ASIC2: variants seen among roughly 807,000 people sequenced by gnomAD.
ASIC2 encodes the protein acid-sensing ion channel 2.
A neutral mutation model predicts 57.3 loss-of-function variants in ASIC2; 25 were observed. The observed-to-expected ratio is 0.44, with a 90% confidence interval of 0.32 to 0.61. The LOEUF (loss-of-function observed/expected upper bound fraction) is 0.61. Among genes scored for constraint, ASIC2 ranks in the 20% least tolerant of loss-of-function variants. The probability of loss-of-function intolerance (pLI) is 0.06; values close to 1 mark genes in which losing one functional copy is unlikely to be tolerated. For missense variants in ASIC2, 641 were observed against 738.1 expected, an observed-to-expected ratio of 0.87 and a Z score of 1.52; for synonymous variants, 319 against 307.5, an observed-to-expected ratio of 1.04 and a Z score of -0.39.
At chr17:33,775,052 T>C (rs1456563745) in intron 1 of ASIC2, among the ~76,000 whole-genome samples, 1 of 152,140 alleles carries the variant, frequency 6.6e-6, no homozygotes, top group Non-Finnish European at 1.5e-5. Context: ...CAGAAAGCCA[T>C]GGAGTGACCT....
chr17:33,553,168 C>T (rs1205250152), intron 1 of ASIC2, among the ~76,000 whole-genome samples: 1 of 152,102 alleles, frequency 6.6e-6, no homozygotes, highest in African/African-American at 2.4e-5. Context: ...GCAGTGGAGG[C>T]ACTGCATATA....
chr17:33,143,696 C>T (rs914733188), intron 1 of ASIC2, among the ~76,000 whole-genome samples: 1 of 151,628 alleles, frequency 6.6e-6, no homozygotes, highest in Non-Finnish European at 1.5e-5. Flanking sequence ...TCCATAGCAA[C>T]GATAGTAAAA....
At chr17:33,640,513 A>G (rs1183405888) in intron 1 of ASIC2, among the ~76,000 whole-genome samples, 2 of 152,246 alleles carry the variant, frequency 1.3e-5, no homozygotes, top group Non-Finnish European at 2.9e-5. Flanking sequence ...TGAACGGCAT[A>G]GGGTACACAC....
intron 1 of ASIC2, among the ~76,000 whole-genome samples, chr17:33,367,108 C>A (rs928834305): frequency 2.6e-5 from 4 of 152,160 alleles, no homozygotes; most frequent in African/African-American, 4.8e-5. Flanking sequence ...TGAAGAGTGG[C>A]CTTTTGCTGT....
At chr17:33,464,034 T>C (rs1220287081) in intron 1 of ASIC2, among the ~76,000 whole-genome samples, 2 of 152,218 alleles carry the variant, frequency 1.3e-5, no homozygotes, top group East Asian at 3.8e-4. Context: ...TTTGAAATTC[T>C]GGATGCATGT....
At chr17:33,067,538 A>G (rs914180141) in intron 3 of ASIC2, among the ~76,000 whole-genome samples, 3 of 152,180 alleles carry the variant, frequency 2.0e-5, no homozygotes, top group Non-Finnish European at 4.4e-5. Context: ...CACAACAAGT[A>G]TGAAACTGGA....
At chr17:34,077,914 T>C (rs1909732408) in intron 1 of ASIC2, among the ~76,000 whole-genome samples, 2 of 152,134 alleles carry the variant, frequency 1.3e-5, no homozygotes, top group African/African-American at 4.8e-5. Flanking sequence ...CAAAACCAGG[T>C]TGCAGTTGCA....
At chr17:34,073,295 A>C (rs570872483) in intron 1 of ASIC2, among the ~76,000 whole-genome samples, 1 of 152,352 alleles carries the variant, frequency 6.6e-6, no homozygotes, top group African/African-American at 2.4e-5. Context: ...GAAATGTACA[A>C]GTATGTCTAT....
Position 33,111,986 on chromosome 17 carries a change from T to C in ASIC2, c.790A>G (p.Thr264Ala). The change falls in exon 2 of 10, where the codon ACA (threonine) becomes GCA (alanine). Residue 264 changes from threonine to alanine, a missense_variant. This residue lies in a region of ASIC2 where 382 missense variants were observed against 398.0 expected (regional missense o/e 0.96). Coordinates refer to ENST00000225823, the MANE Select transcript of ASIC2 (RefSeq NM_183377.2). ...KPLLTTVKGG[T>A]GNGLEIMLDI... ...AGCATGATCTCCAGCCCGTTGCCTG[T>C]CCCCCCCTTGACCGTGGTGAGCAGA... 1 of 1,613,578 alleles carries C rather than the reference T, an allele frequency of 6.2e-7. No individual in the cohort carries two copies. The highest frequency in any genetic ancestry group is 1.1e-5 in the South Asian group (1 of 91,014).
At chr17:33,771,619 G>A (rs1338773220) in intron 1 of ASIC2, among the ~76,000 whole-genome samples, 3 of 152,206 alleles carry the variant, frequency 2.0e-5, no homozygotes, top group African/African-American at 7.2e-5. Context: ...TCTGGCACAG[G>A]CCTGCAGGGC....
chr17:33,194,033 G>C (rs898569695), intron 1 of ASIC2, among the ~76,000 whole-genome samples: 4 of 152,110 alleles, frequency 2.6e-5, no homozygotes, highest in Admixed American at 1.3e-4. Flanking sequence ...CTTGGCAGGG[G>C]GAGGGCCGTA....
intron 1 of ASIC2, among the ~76,000 whole-genome samples, chr17:33,390,564 C>T (rs937338788): frequency 1.3e-5 from 2 of 152,128 alleles, no homozygotes; most frequent in African/African-American, 2.4e-5. Context: ...AGGTCTCTCA[C>T]AAGGCTGTAG....
At chr17:33,464,516 C>CTCTT (rs1567621050) in intron 1 of ASIC2, among the ~76,000 whole-genome samples, 10 of 43,208 alleles carry the variant, frequency 2.3e-4, no homozygotes, top group African/African-American at 9.5e-4. Flanking sequence ...TTCTTTCTTT[C>CTCTT]TTTCTTTCTT....
intron 1 of ASIC2, among the ~76,000 whole-genome samples, chr17:33,557,684 C>T (rs1915949416): frequency 6.6e-6 from 1 of 152,212 alleles, no homozygotes; most frequent in Non-Finnish European, 1.5e-5. Context: ...TGCCGTCTGA[C>T]TATATGATAA....
intron 1 of ASIC2, among the ~76,000 whole-genome samples, chr17:33,631,256 G>T (rs901115922): frequency 2.0e-5 from 3 of 151,942 alleles, no homozygotes; most frequent in Non-Finnish European, 4.4e-5. Flanking sequence ...TATGTGGCTG[G>T]TGTTTTCTGT....
At chr17:33,678,745 C>T (rs1013728392) in intron 1 of ASIC2, among the ~76,000 whole-genome samples, 9 of 152,234 alleles carry the variant, frequency 5.9e-5, no homozygotes, top group African/African-American at 1.9e-4. Context: ...ACAGGAGCAG[C>T]TGCATCCAGC....
At chr17:33,066,474 T>A (rs1022125723) in intron 3 of ASIC2, among the ~76,000 whole-genome samples, 1 of 152,050 alleles carries the variant, frequency 6.6e-6, no homozygotes, top group African/African-American at 2.4e-5. Context: ...GTAAAGGATG[T>A]CCTCATGGGC....
chr17:34,065,621 G>A (rs914254635), intron 1 of ASIC2, among the ~76,000 whole-genome samples: 4 of 152,150 alleles, frequency 2.6e-5, no homozygotes, highest in Non-Finnish European at 1.5e-5. Flanking sequence ...CTGAGGGGTT[G>A]TTATTACAGG....
chr17:33,227,602 C>A (rs922711853), intron 1 of ASIC2, among the ~76,000 whole-genome samples: 3 of 152,114 alleles, frequency 2.0e-5, no homozygotes, highest in Non-Finnish European at 2.9e-5. Context: ...GCGAACCTGA[C>A]CTCCAGGCCC....
Sources: allele counts gnomAD v4.1 joint callset (sites outside exome capture counted in the v4.1 genomes callset), GRCh38; gene constraint gnomAD v4.1.1; regional missense constraint gnomAD v4.1.1; transcripts MANE v1.5; gene names NCBI Gene and HGNC (gene_info 2026-07-23, HGNC 2026-07-21).